Variants in CFAP43 observed in about 807,000 individuals in gnomAD.
CFAP43 encodes the protein cilia- and flagella-associated protein 43.
A neutral mutation model predicts 218.9 loss-of-function variants in CFAP43; 155 were observed. The observed-to-expected ratio is 0.71, with a 90% confidence interval of 0.62 to 0.81. The LOEUF (loss-of-function observed/expected upper bound fraction) is 0.81, where lower values mean the gene tolerates loss of function less well. CFAP43 is among the 30% of genes least tolerant of loss of function. The pLI, the probability that CFAP43 is intolerant of heterozygous loss-of-function variation, is 0.00. For synonymous variants in CFAP43, 645 were observed against 681.3 expected (o/e 0.95, Z 0.83); for missense variants, 1,778 against 1,954.3 (o/e 0.91, Z 1.70).
chr10:104,191,417 A>G (rs1310006657), intron 12 of CFAP43, among the ~76,000 whole-genome samples: 1 of 152,080 alleles, frequency 6.6e-6, no homozygotes, highest in Non-Finnish European at 1.5e-5. Flanking sequence ...TCCCACACCT[A>G]TGAAAATCCT....
At chr10:104,194,147 A>G (rs1034116244) in intron 10 of CFAP43, 133 bp from the exon 11 acceptor site, 60 of 967,328 alleles carry the variant, frequency 6.2e-5, no homozygotes, top group Non-Finnish European at 8.4e-5. Context: ...GGGGTCTTTC[A>G]AATTATACCC....
At chr10:104,176,266 C>T (rs1294212117) in intron 19 of CFAP43, among the ~76,000 whole-genome samples, 1 of 152,040 alleles carries the variant, frequency 6.6e-6, no homozygotes, top group East Asian at 1.9e-4. Context: ...TTAAATAAAA[C>T]AGACTGGGGA....
rs144398828 is a variant in CFAP43 at position 104,143,500 on chromosome 10, G to A, written c.4084C>T (p.Pro1362Ser). Reference protein sequence around the residue: ...MDELDNISNMPEGLDPLVWNH... With the variant: ...MDELDNISNMSEGLDPLVWNH... Reference sequence around the variant, plus strand: ...CAGACCAAAGGGTCCAAGCCTTCTGGCATGTTACTAATATTGTCCAACTCA... The same window carrying A: ...CAGACCAAAGGGTCCAAGCCTTCTGACATGTTACTAATATTGTCCAACTCA... The change falls in exon 32 of 38, where the codon CCA becomes TCA. Residue 1362 changes from proline to serine, a missense_variant. Transcript: ENST00000357060. 3.1e-6 allele frequency: 5 copies of A among 1,614,026 alleles called. No homozygotes were observed. The highest frequency in any genetic ancestry group is 4.2e-6 in the Non-Finnish European group (5 of 1,180,038).
chr10:104,170,183 A>T (rs1284138649), intron 20 of CFAP43, among the ~76,000 whole-genome samples: 1 of 152,050 alleles, frequency 6.6e-6, no homozygotes, highest in Non-Finnish European at 1.5e-5. Flanking sequence ...TATCTCTTCA[A>T]AGGCACAGAG....
At chr10:104,183,538 C>T (rs934641737) in intron 16 of CFAP43, among the ~76,000 whole-genome samples, 14 of 151,954 alleles carry the variant, frequency 9.2e-5, no homozygotes, top group African/African-American at 2.4e-4. Flanking sequence ...TACAGGCGCC[C>T]GCCACCGCGC....
intron 16 of CFAP43, among the ~76,000 whole-genome samples, chr10:104,183,550 C>T (rs888941118): frequency 1.1e-4 from 17 of 152,022 alleles, no homozygotes; most frequent in South Asian, 4.2e-4. Context: ...CCACCGCGCC[C>T]GGCTAATTTT....
At chr10:104,151,367 T>G (rs2134775507) in intron 28 of CFAP43, among the ~76,000 whole-genome samples, 1 of 152,346 alleles carries the variant, frequency 6.6e-6, no homozygotes, top group East Asian at 1.9e-4. Flanking sequence ...ACCAACAGTG[T>G]ATAAGCATTC....
Position 104,205,976 on chromosome 10 carries a change from A to C in CFAP43, c.950T>G (p.Leu317Arg). 2 of 1,608,510 alleles carry C rather than the reference A, an allele frequency of 1.2e-6. No homozygotes were observed. Among genetic ancestry groups the C allele is most frequent in the Non-Finnish European group, 1.7e-6 (2 of 1,178,786 alleles). The change falls in exon 7 of 38, where the codon CTG becomes CGG. Residue 317 changes from leucine (L) to arginine (R), a missense_variant. Physicochemically the swap from Leu to Arg is moderately radical, Grantham distance 102. This residue lies in a region of CFAP43 where 1,553 missense variants were observed against 1,685.2 expected (regional missense o/e 0.92). Coordinates refer to ENST00000357060, the MANE Select transcript of CFAP43 (RefSeq NM_025145.7). Reference protein sequence around the residue: ...VTLVYQKEGVLASGIDGFVYS... With the variant: ...VTLVYQKEGVRASGIDGFVYS... The stretch of plus-strand genomic sequence containing the variant: ...AGAATACATTACAATTCCAGAAGCC[A>C]GCACGCCCTCCTTCTGATATACCAA...
intron 5 of CFAP43, among the ~76,000 whole-genome samples, chr10:104,211,746 C>T (rs1437501553): frequency 3.3e-5 from 5 of 152,196 alleles, no homozygotes; most frequent in Admixed American, 3.3e-4. Flanking sequence ...GTCTTCCCTG[C>T]ACCCCAAATT....
At chr10:104,194,067 C>A in intron 10 of CFAP43, 53 bp from the exon 11 acceptor site, 1 of 1,592,910 alleles carries the variant, frequency 6.3e-7, no homozygotes, top group Non-Finnish European at 8.5e-7. Flanking sequence ...CTCTCCTACA[C>A]GTAAGAATGC....
chr10:104,180,689 C>G (rs1295192939), intron 17 of CFAP43, among the ~76,000 whole-genome samples: 2 of 152,090 alleles, frequency 1.3e-5, no homozygotes, highest in Non-Finnish European at 2.9e-5. Flanking sequence ...TCGTGATATG[C>G]CCACCTCGGC....
chr10:104,218,074 C>A (rs1014220525), intron 3 of CFAP43, among the ~76,000 whole-genome samples: 1 of 152,032 alleles, frequency 6.6e-6, no homozygotes, highest in Non-Finnish European at 1.5e-5. Context: ...CAAGGCCGGG[C>A]GCAGTGGCTC....
chr10:104,221,489 G>A (rs373070345), intron 3 of CFAP43, among the ~76,000 whole-genome samples: 190 of 152,260 alleles, frequency 1.2e-3, no homozygotes, highest in Middle Eastern at 3.4e-3. Flanking sequence ...TACCATGTGA[G>A]GACATGGTGG....
chr10:104,183,557 T>A (rs1381839148), intron 16 of CFAP43, among the ~76,000 whole-genome samples: 1 of 151,760 alleles, frequency 6.6e-6, no homozygotes, highest in Non-Finnish European at 1.5e-5. Context: ...GCCCGGCTAA[T>A]TTTTTGTATT....
chr10:104,178,213 G>A (rs1017124311), intron 19 of CFAP43, among the ~76,000 whole-genome samples: 3 of 152,288 alleles, frequency 2.0e-5, no homozygotes, highest in South Asian at 4.1e-4. Context: ...GCAAGAGCAA[G>A]GTGCTTTGAC....
At chr10:104,160,959 A>G (rs2088837393) in intron 27 of CFAP43, 78 bp downstream of exon 27, 1 of 1,395,702 alleles carries the variant, frequency 7.2e-7, no homozygotes, top group Non-Finnish European at 9.7e-7. Flanking sequence ...AGATATCGAC[A>G]AAGTAGAAAA....
At chr10:104,228,958 C>T (rs1161932084) in intron 2 of CFAP43, among the ~76,000 whole-genome samples, 1 of 152,068 alleles carries the variant, frequency 6.6e-6, no homozygotes, top group Non-Finnish European at 1.5e-5. Context: ...ATTAGTATTA[C>T]TGGGAATTCC....
chr10:104,138,996 A>G (rs2087578557), intron 34 of CFAP43, among the ~76,000 whole-genome samples: 1 of 152,238 alleles, frequency 6.6e-6, no homozygotes, highest in South Asian at 2.1e-4. Context: ...AGGGATGGAA[A>G]GTATAAGTTA....
At chr10:104,228,152 A>G (rs2091353708) in intron 2 of CFAP43, among the ~76,000 whole-genome samples, 1 of 151,704 alleles carries the variant, frequency 6.6e-6, no homozygotes, top group Non-Finnish European at 1.5e-5. Flanking sequence ...CATATTTTCT[A>G]CTATTTTCAA....
Sources: gnomAD v4.1 joint callset for allele counts (sites outside exome capture counted in the v4.1 genomes callset) on GRCh38, gnomAD v4.1.1 for gene constraint, gnomAD v4.1.1 regional missense constraint, MANE v1.5 for transcripts, NCBI Gene and HGNC (gene_info 2026-07-23, HGNC 2026-07-21) for gene names.